Variants in MGAT4D observed in about 807,000 individuals in gnomAD.
MGAT4D encodes the protein alpha-1,3-mannosyl-glycoprotein 4-beta-N-acetylglucosaminyltransferase-like protein MGAT4D.
A neutral mutation model predicts 15.9 loss-of-function variants in MGAT4D; 34 were observed. The observed-to-expected ratio is 2.14, with a 90% CI of 1.62 to 2.84. The LOEUF (loss-of-function observed/expected upper bound fraction) is 2.84, where lower values mean the gene tolerates loss of function less well. MGAT4D is among the 30% of genes most tolerant of loss of function. The probability of loss-of-function intolerance (pLI) is 0.00; values close to 1 mark genes in which losing one functional copy is unlikely to be tolerated. For missense variants in MGAT4D, 327 were observed against 140.2 expected (o/e 2.33, Z -6.73); for synonymous variants, 112 against 48.2 (o/e 2.33, Z -5.49).
chr4:140,447,717 T>C (rs1356287391), intron 10 of MGAT4D, among the ~76,000 whole-genome samples: 1 of 151,970 alleles, frequency 6.6e-6, no homozygotes, highest in Non-Finnish European at 1.5e-5. Context: ...AAGATTAGTA[T>C]TAATATGTGT....
At chr4:140,465,520 T>G (rs1401766131) in intron 5 of MGAT4D, among the ~76,000 whole-genome samples, 3 of 152,186 alleles carry the variant, frequency 2.0e-5, no homozygotes. Context: ...AACGTTAATG[T>G]GATAGATCAA....
At chr4:140,475,822 T>C (rs1009781095) in intron 3 of MGAT4D, among the ~76,000 whole-genome samples, 18 of 143,392 alleles carry the variant, frequency 1.3e-4, no homozygotes, top group Non-Finnish European at 2.1e-4. Flanking sequence ...TTTTTTTTTT[T>C]TTTTTTTGAG....
At chr4:140,463,443 A>T (rs903414190) in intron 6 of MGAT4D, among the ~76,000 whole-genome samples, 8 of 151,880 alleles carry the variant, frequency 5.3e-5, no homozygotes, top group African/African-American at 1.9e-4. Context: ...GAGGCATGAG[A>T]GCCCTGCTTG....
rs1402876072 is a variant in MGAT4D, at chr4:140,461,937, A to T, written c.754T>A (p.Tyr252Asn). ...LLYAQPKAKY[Y>N]LQLEDDIIAK... The stretch of plus-strand genomic sequence containing the variant: ...CACACACAATTTCTGACCTGTAAAT[A>T]ATACTTGGCCTTGGGTTGGGCATAC... Residue 252 changes from tyrosine to asparagine, a missense_variant, in exon 7 of 11, where the codon TAT (tyrosine) becomes AAT (asparagine). Physicochemically the swap from Tyr to Asn is moderately radical, Grantham distance 143. Coordinates refer to ENST00000511113, the MANE Select transcript of MGAT4D (RefSeq NM_001277353.2). The T allele has an allele frequency of 1.4e-6, 1 of 699,246 alleles. No individual in the cohort carries two copies. The highest frequency in any genetic ancestry group is 2.6e-6 in the Non-Finnish European group (1 of 383,032). The allele number at this position is 699,246 out of a possible 1,614,324, so 43.3% of individuals were successfully genotyped here. A position where few individuals can be genotyped will look rare whatever the true frequency, so the allele number is the denominator to read the frequency against.
chr4:140,474,805 A>G lies in MGAT4D; in HGVS notation c.525+8T>C, dbSNP rs1359893228. 3 of 660,420 alleles carry G rather than the reference A, an allele frequency of 4.5e-6. No individual in the cohort carries two copies. The South Asian group carries it at 5.0e-5, about 11-fold the overall frequency. 40.9% of individuals were successfully genotyped at this position (660,420 alleles called of 1,614,324 possible). A position where few individuals can be genotyped will look rare whatever the true frequency, so the allele number is the denominator to read the frequency against. On this transcript the variant is annotated splice_region_variant and intron_variant, in intron 4 of 10. Coordinates refer to ENST00000511113, the MANE Select transcript of MGAT4D (RefSeq NM_001277353.2). ...GGATAAGGAGAGCTCCTTATTTTGT[A>G]TACGTACATCTGCAACCAAGACAAT...
chr4:140,465,512 C>A (rs541714240), intron 5 of MGAT4D, among the ~76,000 whole-genome samples: 1 of 152,078 alleles, frequency 6.6e-6, no homozygotes, highest in East Asian at 1.9e-4. Flanking sequence ...TATTTTTAAA[C>A]GTTAATGTGA....
chr4:140,455,331 G>A (rs1159013481), intron 9 of MGAT4D, among the ~76,000 whole-genome samples: 1 of 151,926 alleles, frequency 6.6e-6, no homozygotes, highest in African/African-American at 2.4e-5. Context: ...CTTCACCTAG[G>A]GTTTATTGAG....
chr4:140,498,119 C>T lies in MGAT4D; in HGVS notation c.94+10G>A, dbSNP rs1212406799. On this transcript the variant is annotated intron_variant, in intron 1 of 10. Coordinates refer to ENST00000511113, the MANE Select transcript of MGAT4D (RefSeq NM_001277353.2). ...CGGGAAAGGAGGCGGGAGGAGGGCCCGCCGCTTACTGGTTTGAGTTATCCT... is the reference window on the plus strand; with the variant it reads ...CGGGAAAGGAGGCGGGAGGAGGGCCTGCCGCTTACTGGTTTGAGTTATCCT... The T allele has an allele frequency of 1.4e-6, 1 of 697,054 alleles. No homozygotes were observed. The highest frequency in any genetic ancestry group is 2.6e-6 in the Non-Finnish European group (1 of 382,414). The allele number at this position is 697,054 out of a possible 1,614,324, so 43.2% of individuals were successfully genotyped here. A position where few individuals can be genotyped will look rare whatever the true frequency, so the allele number is the denominator to read the frequency against.
chr4:140,488,413 C>T (rs898016562), intron 1 of MGAT4D, among the ~76,000 whole-genome samples: 4 of 152,200 alleles, frequency 2.6e-5, no homozygotes, highest in African/African-American at 9.7e-5. Flanking sequence ...GACAATCAGA[C>T]TGCAAGGAAT....
At chr4:140,451,289 G>C in intron 10 of MGAT4D, 121 bp downstream of exon 10, 1 of 396,580 alleles carries the variant, frequency 2.5e-6, no homozygotes, top group Non-Finnish European at 4.5e-6. Context: ...ACTGTCATAA[G>C]ATGAATTCTG....
intron 1 of MGAT4D, 95 bp from the exon 2 acceptor site, chr4:140,482,580 TA>T (rs1474067400): frequency 5.7e-6 from 3 of 523,860 alleles, no homozygotes; most frequent in Non-Finnish European, 1.0e-5. Flanking sequence ...AGTTTCAATA[TA>T]GTTATATATA....
intron 5 of MGAT4D, among the ~76,000 whole-genome samples, chr4:140,468,071 ATAATT>A (rs1394788084): frequency 2.0e-5 from 3 of 152,028 alleles, no homozygotes; most frequent in East Asian, 1.9e-4. Flanking sequence ...TTATTCTATT[ATAATT>A]TAATAGTGAA....
chr4:140,465,687 A>G (rs527663376), intron 5 of MGAT4D, among the ~76,000 whole-genome samples: 12 of 152,190 alleles, frequency 7.9e-5, no homozygotes, highest in Non-Finnish European at 1.6e-4. Flanking sequence ...TAGGCATTAC[A>G]TTATTTATTA....
At chr4:140,450,170 A>G in intron 10 of MGAT4D, 1 of 312,840 alleles carries the variant, frequency 3.2e-6, no homozygotes, top group Non-Finnish European at 5.8e-6. Flanking sequence ...TTGACATATT[A>G]TTAAATTGTT....
chr4:140,493,822 T>G (rs144236285), intron 1 of MGAT4D, among the ~76,000 whole-genome samples: 14 of 152,236 alleles, frequency 9.2e-5, no homozygotes, highest in Admixed American at 2.0e-4. Context: ...TGGGAGGCAG[T>G]TGTGCTAAAA....
Position 140,482,311 on chromosome 4 carries a change from C to A in MGAT4D, c.253+16G>T, listed in dbSNP as rs1400113040. The stretch of plus-strand genomic sequence containing the variant: ...ATTTCCAAAAACAAAACAAAACAAA[C>A]AAAATCAACACAAACCTAAGTTTCC... On this transcript the variant is annotated intron_variant, in intron 2 of 10. Coordinates refer to ENST00000511113, the MANE Select transcript of MGAT4D (RefSeq NM_001277353.2). 3 of 602,642 alleles carry A rather than the reference C, an allele frequency of 5.0e-6. No individual in the cohort carries two copies. The highest frequency in any genetic ancestry group is 1.9e-5 in the African/African-American group (1 of 52,216). The allele number at this position is 602,642 out of a possible 1,614,324, so 37.3% of individuals were successfully genotyped here. A position where few individuals can be genotyped will look rare whatever the true frequency, so the allele number is the denominator to read the frequency against.
chr4:140,482,503 G>C lies in MGAT4D; in HGVS notation c.95-18C>G. On this transcript the variant is annotated intron_variant, in intron 1 of 10. Transcript: ENST00000511113. The stretch of plus-strand genomic sequence containing the variant: ...TTGATTATCTGCAATGAAAACATAT[G>C]TATATATTTGTACATGTAGCAATGG... The C allele has an allele frequency of 1.7e-6, 1 of 601,466 alleles. No individual in the cohort carries two copies. 37.3% of individuals were successfully genotyped at this position (601,466 alleles called of 1,614,324 possible).
intron 5 of MGAT4D, among the ~76,000 whole-genome samples, chr4:140,469,720 C>G (rs942457226): frequency 3.9e-5 from 6 of 152,184 alleles, no homozygotes; most frequent in Admixed American, 1.3e-4. Flanking sequence ...TGAAATTCAG[C>G]TCCTAAGGCT....
intron 3 of MGAT4D, among the ~76,000 whole-genome samples, chr4:140,475,446 A>G (rs1732246038): frequency 6.6e-6 from 1 of 152,116 alleles, no homozygotes; most frequent in African/African-American, 2.4e-5. Flanking sequence ...CTGGAGCACT[A>G]GGGCTCCAAG....
Sources: allele counts gnomAD v4.1 joint callset (sites outside exome capture counted in the v4.1 genomes callset), GRCh38; gene constraint gnomAD v4.1.1; transcripts MANE v1.5; gene names NCBI Gene and HGNC (gene_info 2026-07-23, HGNC 2026-07-21).